LRGUK: variants seen among roughly 807,000 people sequenced by gnomAD.
LRGUK encodes the protein leucine-rich repeat and guanylate kinase domain-containing protein.
Under a neutral mutation model 76.0 loss-of-function variants are expected in LRGUK, and 65 were observed. The observed-to-expected ratio is 0.85, with a 90% CI of 0.70 to 1.05. LRGUK has a LOEUF of 1.05. Ranked by LOEUF, LRGUK falls within the 50% of genes least tolerant of loss-of-function variation. The probability of loss-of-function intolerance (pLI) is 0.00; values close to 1 mark genes in which losing one functional copy is unlikely to be tolerated. For synonymous variants in LRGUK, 268 were observed against 265.6 expected, an observed-to-expected ratio of 1.01 and a Z score of -0.09; for missense variants, 758 against 732.8, an observed-to-expected ratio of 1.03 and a Z score of -0.40.
At chr7:134,141,003 T>G (rs557434287) in intron 3 of LRGUK, among the ~76,000 whole-genome samples, 1 of 152,262 alleles carries the variant, frequency 6.6e-6, no homozygotes, top group South Asian at 2.1e-4. Flanking sequence ...GCCTACTCCA[T>G]ACCTCCGCGG....
chr7:134,249,448 T>G (rs1488886064), intron 18 of LRGUK, among the ~76,000 whole-genome samples: 1 of 152,190 alleles, frequency 6.6e-6, no homozygotes, highest in Non-Finnish European at 1.5e-5. Context: ...GTGATTCGGC[T>G]GTGTTCTTGG....
At chr7:134,193,667 T>G (rs1234511781) in intron 12 of LRGUK, among the ~76,000 whole-genome samples, 1 of 152,194 alleles carries the variant, frequency 6.6e-6, no homozygotes, top group Non-Finnish European at 1.5e-5. Context: ...TCTTTTCCTT[T>G]AATGTAAGCT....
chr7:134,132,238 C>T (rs1797343215), intron 1 of LRGUK, among the ~76,000 whole-genome samples: 1 of 152,006 alleles, frequency 6.6e-6, no homozygotes, highest in Non-Finnish European at 1.5e-5. Flanking sequence ...ACCTGTAGTC[C>T]CAGCTACTTG....
chr7:134,256,563 T>C (rs187715973), intron 18 of LRGUK, among the ~76,000 whole-genome samples: 37 of 152,032 alleles, frequency 2.4e-4, no homozygotes, highest in African/African-American at 8.4e-4. Context: ...CTGAGAAGCA[T>C]TCCAGAACCA....
intron 1 of LRGUK, among the ~76,000 whole-genome samples, chr7:134,133,490 G>A (rs1010839444): frequency 4.6e-5 from 7 of 152,088 alleles, no homozygotes; most frequent in South Asian, 2.1e-4. Flanking sequence ...ATTTGCTTGC[G>A]TACTTGTCTG....
intron 14 of LRGUK, among the ~76,000 whole-genome samples, chr7:134,200,627 A>G (rs954948375): frequency 6.6e-6 from 1 of 152,206 alleles, no homozygotes; most frequent in Non-Finnish European, 1.5e-5. Flanking sequence ...GTTGAACCAT[A>G]TGAAATTGTT....
At chr7:134,246,665 C>G (rs1174388362) in intron 16 of LRGUK, among the ~76,000 whole-genome samples, 5 of 152,190 alleles carry the variant, frequency 3.3e-5, no homozygotes, top group Non-Finnish European at 5.9e-5. Context: ...AAAATCAAAA[C>G]AGCAAGGCTT....
intron 5 of LRGUK, among the ~76,000 whole-genome samples, chr7:134,152,532 T>A (rs1287235551): frequency 6.6e-6 from 1 of 152,060 alleles, no homozygotes; most frequent in Non-Finnish European, 1.5e-5. Flanking sequence ...TAAGACCACA[T>A]GAGATATTGT....
At chr7:134,140,581 C>G (rs944367501) in intron 3 of LRGUK, among the ~76,000 whole-genome samples, 2 of 152,142 alleles carry the variant, frequency 1.3e-5, no homozygotes, top group Non-Finnish European at 2.9e-5. Flanking sequence ...ATCATTACTT[C>G]TGACCTGCTT....
intron 19 of LRGUK, among the ~76,000 whole-genome samples, chr7:134,260,577 G>C (rs1585611008): frequency 6.6e-6 from 1 of 152,146 alleles, no homozygotes; most frequent in Non-Finnish European, 1.5e-5. Context: ...GGCCTTTCCT[G>C]GGTATGCATT....
At chr7:134,268,915 T>G (rs1342636541), downstream of LRGUK, among the ~76,000 whole-genome samples, 2 of 151,662 alleles carry the variant, frequency 1.3e-5, no homozygotes, top group Non-Finnish European at 2.9e-5. Context: ...GTATTTTTAG[T>G]AGAGACAGGG....
intron 15 of LRGUK, among the ~76,000 whole-genome samples, chr7:134,218,087 G>A (rs1296265334): frequency 2.0e-5 from 3 of 151,966 alleles, no homozygotes; most frequent in Non-Finnish European, 4.4e-5. Context: ...TCAGCCTCCC[G>A]AGTAGCTGGG....
At chr7:134,276,599 A>G in the LRGUK span, among the ~76,000 whole-genome samples, 1 of 152,146 alleles carries the variant, frequency 6.6e-6, no homozygotes, top group African/African-American at 2.4e-5. Context: ...AGAATTAATA[A>G]TCAAGTGGTG....
intron 4 of LRGUK, among the ~76,000 whole-genome samples, chr7:134,146,575 A>C (rs1348004363): frequency 1.3e-5 from 2 of 152,180 alleles, no homozygotes; most frequent in African/African-American, 4.8e-5. Flanking sequence ...TGATTTTTTT[A>C]ATAACACTTT....
chr7:134,178,408 A>C (rs1034434644), intron 9 of LRGUK, 95 bp from the exon 10 acceptor site: 1 of 793,182 alleles, frequency 1.3e-6, no homozygotes. Flanking sequence ...ACCTGGCTGC[A>C]CGTGAACAAC....
intron 4 of LRGUK, among the ~76,000 whole-genome samples, chr7:134,145,170 G>A (rs571258449): frequency 6.6e-6 from 1 of 152,248 alleles, no homozygotes; most frequent in African/African-American, 2.4e-5. Flanking sequence ...GTACCCTGAG[G>A]TGCTGCAAGC....
intron 19 of LRGUK, among the ~76,000 whole-genome samples, chr7:134,259,009 G>A (rs1431643169): frequency 6.6e-6 from 1 of 152,158 alleles, no homozygotes; most frequent in Non-Finnish European, 1.5e-5. Flanking sequence ...CATGCTCTTT[G>A]GAAGAGGCTT....
chr7:134,127,425 T>A, exon 1 of LRGUK: 1 of 1,613,040 alleles, frequency 6.2e-7, no homozygotes. Context: ...CCTGAGAGGC[T>A]TGGGCAGATC....
intron 16 of LRGUK, among the ~76,000 whole-genome samples, chr7:134,228,824 C>T (rs1030356888): frequency 4.0e-4 from 61 of 152,076 alleles, no homozygotes; most frequent in African/African-American, 1.4e-3. Flanking sequence ...ATATTTTAAT[C>T]TCTAGGATGA....
Sources: gnomAD v4.1 joint callset for allele counts (sites outside exome capture counted in the v4.1 genomes callset) on GRCh38, gnomAD v4.1.1 for gene constraint, MANE v1.5 for transcripts, NCBI Gene and HGNC (gene_info 2026-07-23, HGNC 2026-07-21) for gene names.